The following PLXNA2 variants were observed in gnomAD, a reference collection of about 807,000 sequenced individuals.
PLXNA2 encodes the protein plexin A2.
In PLXNA2, 91 loss-of-function variants were observed where a neutral mutation model predicts 193.5. The observed-to-expected ratio is 0.47, with a 90% CI of 0.40 to 0.56. The LOEUF (loss-of-function observed/expected upper bound fraction) is 0.56, where lower values mean the gene tolerates loss of function less well. PLXNA2 is among the 20% of genes least tolerant of loss of function. The pLI is 0.00. For missense variants in PLXNA2, 1,995 were observed against 2,503.2 expected, an observed-to-expected ratio of 0.80 and a Z score of 4.33; for synonymous variants, 997 against 1,027.3, an observed-to-expected ratio of 0.97 and a Z score of 0.56.
chr1:208,138,959 G>A (rs1350750329), intron 4 of PLXNA2, among the ~76,000 whole-genome samples: 1 of 152,160 alleles, frequency 6.6e-6, no homozygotes, highest in Non-Finnish European at 1.5e-5. Flanking sequence ...CCCAGGAGGC[G>A]GAGGTTGCAG....
At chr1:208,182,502 T>C (rs1194036197) in intron 3 of PLXNA2, among the ~76,000 whole-genome samples, 2 of 152,114 alleles carry the variant, frequency 1.3e-5, no homozygotes, top group African/African-American at 4.8e-5. Flanking sequence ...AGAGAATTTT[T>C]TGGCAGTTCC....
At chr1:208,046,951 C>T (rs1330483908) in intron 17 of PLXNA2, among the ~76,000 whole-genome samples, 2 of 151,948 alleles carry the variant, frequency 1.3e-5, no homozygotes, top group Non-Finnish European at 2.9e-5. Flanking sequence ...CTGCAACTCT[C>T]TAAATGTTTT....
intron 4 of PLXNA2, among the ~76,000 whole-genome samples, chr1:208,105,950 T>A (rs1426654240): frequency 1.3e-5 from 2 of 152,134 alleles, no homozygotes; most frequent in African/African-American, 4.8e-5. Flanking sequence ...GGGAGCAGTG[T>A]CTCCAGCAAC....
chr1:208,145,283 A>G (rs1337679960), intron 3 of PLXNA2, among the ~76,000 whole-genome samples: 1 of 152,072 alleles, frequency 6.6e-6, no homozygotes, highest in African/African-American at 2.4e-5. Flanking sequence ...TCCCTGTGAC[A>G]GCTACTCCTC....
In PLXNA2 at chr1:208,102,566, G is replaced by T. The variant is rs575366135; in HGVS notation, c.1607+581C>A. 3.9e-4 allele frequency among the ~76,000 whole-genome samples: 60 copies of T among 152,354 alleles called. No individual in the cohort carries two copies. In the Middle Eastern group the frequency reaches 0.01, roughly 26 times the overall value. On this transcript the variant is annotated intron_variant, in intron 5 of 31. Coordinates refer to ENST00000367033, the MANE Select transcript of PLXNA2 (RefSeq NM_025179.4). ...GTCCTCCCAAGGGTATAGGGTCCAT[G>T]ATAATTATTCTGATTTGTGTAGCCT...
In PLXNA2 at chr1:208,085,501, G is replaced by C. The variant is rs114066197; in HGVS notation, c.2098-921C>G. ...GATGCTGCTACAGGGCCTGCAGAGG[G>C]TGTTACTGGCATTGATGCCAGGGGC... is the stretch of plus-strand genomic sequence containing the variant. On this transcript the variant is annotated intron_variant, in intron 9 of 31. Transcript: ENST00000367033. 8.2e-3 allele frequency among the ~76,000 whole-genome samples: 1,254 copies of C among 152,352 alleles called. 23 individuals carry two copies. The highest frequency in any genetic ancestry group is 0.031 in the Admixed American group (470 of 15,302).
intron 26 of PLXNA2, among the ~76,000 whole-genome samples, chr1:208,035,593 C>T (rs1352634203): frequency 6.6e-6 from 1 of 152,202 alleles, no homozygotes; most frequent in Non-Finnish European, 1.5e-5. Flanking sequence ...CCAGTAAAAA[C>T]AGAGAATCCC....
In PLXNA2 at chr1:208,140,064, G is replaced by T. The variant is rs763096987; in HGVS notation, c.1506+2265C>A. Among the ~76,000 whole-genome samples, 64 of 152,156 alleles carry T rather than the reference G, an allele frequency of 4.2e-4. 2 individuals carry two copies. Among genetic ancestry groups the T allele is most frequent in the Non-Finnish European group, 1.9e-4 (13 of 68,032 alleles). The stretch of plus-strand genomic sequence containing the variant: ...TGAAACCCAAATTCTTCCTATCTCT[G>T]CTCATCGTGGCTGGCTACTGCTAAA... On this transcript the variant is annotated intron_variant, in intron 4 of 31. Coordinates refer to ENST00000367033, the MANE Select transcript of PLXNA2 (RefSeq NM_025179.4).
chr1:208,233,441 C>T (rs547575914), intron 1 of PLXNA2, among the ~76,000 whole-genome samples: 757 of 152,320 alleles, frequency 5.0e-3, no homozygotes, highest in Non-Finnish European at 7.3e-3. Flanking sequence ...CCTGCTTTTT[C>T]TTCCTGGCCC....
At position 208,103,257 on chromosome 1, in the gene PLXNA2, A is replaced by G. The variant is rs781042049; in HGVS notation, c.1507-10T>C. The G allele has an allele frequency of 6.2e-7, 1 of 1,606,978 alleles. No homozygotes were observed. The highest frequency in any genetic ancestry group is 8.5e-7 in the Non-Finnish European group (1 of 1,174,392). On this transcript the variant is annotated splice_polypyrimidine_tract_variant and intron_variant, in intron 4 of 31. Coordinates refer to ENST00000367033, the MANE Select transcript of PLXNA2 (RefSeq NM_025179.4). ...CGGGGACCCTGGTGACCTGGCAGAG[A>G]GAGCAAAGAGGGTACAGTGAGGTTA...
At chr1:208,201,424 C>T (rs1293691866) in intron 3 of PLXNA2, among the ~76,000 whole-genome samples, 1 of 152,296 alleles carries the variant, frequency 6.6e-6, no homozygotes, top group South Asian at 2.1e-4. Flanking sequence ...AACTGGATGC[C>T]AAAGTCCAGC....
At chr1:208,086,979 C>CTCTCTG (rs1491364667) in intron 9 of PLXNA2, among the ~76,000 whole-genome samples, 25 of 65,490 alleles carry the variant, frequency 3.8e-4, no homozygotes, top group Admixed American at 5.0e-4. Context: ...CTCTCTCTCT[C>CTCTCTG]TGTGTGTGTG....
intron 3 of PLXNA2, among the ~76,000 whole-genome samples, chr1:208,146,188 T>C (rs1668595796): frequency 2.0e-5 from 3 of 152,118 alleles, no homozygotes. Context: ...GAGTGCAGGG[T>C]TTAAGTCTGG....
intron 9 of PLXNA2, among the ~76,000 whole-genome samples, chr1:208,089,197 G>C (rs1203636587): frequency 2.6e-5 from 4 of 152,192 alleles, no homozygotes; most frequent in Non-Finnish European, 5.9e-5. Flanking sequence ...ATCTGGAAAT[G>C]GCACCACTGA....
intron 3 of PLXNA2, among the ~76,000 whole-genome samples, chr1:208,142,976 C>T (rs1029032415): frequency 3.3e-5 from 5 of 152,146 alleles, no homozygotes; most frequent in Non-Finnish European, 7.4e-5. Flanking sequence ...TTTCAGCCCC[C>T]AAACATATGC....
At chr1:208,241,288 C>A (rs910293724) in intron 1 of PLXNA2, among the ~76,000 whole-genome samples, 7 of 152,202 alleles carry the variant, frequency 4.6e-5, no homozygotes, top group African/African-American at 1.7e-4. Flanking sequence ...TTTACATTCA[C>A]CGCATCTGCA....
chr1:208,056,349 G>A (rs760900376), intron 13 of PLXNA2, among the ~76,000 whole-genome samples: 4 of 152,176 alleles, frequency 2.6e-5, no homozygotes, highest in African/African-American at 7.2e-5. Flanking sequence ...CATCACCCTC[G>A]GACACTCTGC....
intron 12 of PLXNA2, among the ~76,000 whole-genome samples, chr1:208,076,853 C>T (rs1666165136): frequency 6.6e-6 from 1 of 152,072 alleles, no homozygotes; most frequent in Admixed American, 6.5e-5. Context: ...TGCTAATTTC[C>T]TGATTTTGAT....
intron 3 of PLXNA2, chr1:208,209,983 A>AATTT (rs34413554): frequency 0.11 from 9,895 of 87,750 alleles, 1,677 homozygotes; most frequent in East Asian, 0.31. Context: ...ATGAAGAGCA[A>AATTT]TTTTTTTTTT....
Sources: allele counts gnomAD v4.1 joint callset (sites outside exome capture counted in the v4.1 genomes callset), GRCh38; gene constraint gnomAD v4.1.1; transcripts MANE v1.5; gene names NCBI Gene and HGNC (gene_info 2026-07-23, HGNC 2026-07-21).